Variants in SRSF7 observed in about 807,000 individuals in gnomAD.
SRSF7 encodes serine and arginine rich splicing factor 7, also known as serine/arginine-rich splicing factor 7.
Under a neutral mutation model 42.2 loss-of-function variants are expected in SRSF7, and 15 were observed. The observed-to-expected ratio is 0.36, with a 90% CI of 0.24 to 0.55. The LOEUF is 0.55. Among genes scored for constraint, SRSF7 ranks in the 20% least tolerant of loss-of-function variants. The probability of loss-of-function intolerance (pLI) is 0.88; values close to 1 mark genes in which losing one functional copy is unlikely to be tolerated. For synonymous variants in SRSF7, 138 were observed against 107.9 expected, an observed-to-expected ratio of 1.28 and a Z score of -1.73; for missense variants, 181 against 305.9, an observed-to-expected ratio of 0.59 and a Z score of 3.04.
rs762723762 is a variant in SRSF7, at chr2:38,748,165, A to G, written c.462-8T>C. 8.4e-5 allele frequency: 135 copies of G among 1,605,024 alleles called. No individual in the cohort carries two copies. Among genetic ancestry groups the G allele is most frequent in the South Asian group, 1.7e-4 (15 of 88,510 alleles). On this transcript the variant is annotated splice_polypyrimidine_tract_variant and splice_region_variant and intron_variant, in intron 4 of 7. Coordinates refer to ENST00000313117, the MANE Select transcript of SRSF7 (RefSeq NM_001031684.3). ...GGAGATGCTGACCTTGACCTAAAATAAAGAACTTTAAGTCCATCTCCACAG... is the reference window on the plus strand; with the variant it reads ...GGAGATGCTGACCTTGACCTAAAATGAAGAACTTTAAGTCCATCTCCACAG...
chr2:38,745,141 T>C lies in SRSF7; in HGVS notation c.709A>G (p.Met237Val). Residue 237 changes from methionine (M) to valine (V), a missense_variant, in exon 8 of 8, where the codon ATG becomes GTG. Around this residue, in one of 2 missense-constraint regions of SRSF7, gnomAD observed 136 missense variants for 147.8 expected, o/e 0.92. Coordinates refer to ENST00000313117, the MANE Select transcript of SRSF7 (RefSeq NM_001031684.3). ...SPRRSASPER[M>V]D ...GGGTGAACTTGAGAGCTTCAGTCCA[T>C]TCTTTCAGGACTTGCACTTCTGCGA... 6.2e-7 allele frequency: 1 copy of C among 1,614,200 alleles called. No individual in the cohort carries two copies. The highest frequency in any genetic ancestry group is 8.5e-7 in the Non-Finnish European group (1 of 1,180,014).
intron 3 of SRSF7, 125 bp downstream of exon 3, chr2:38,749,404 A>G: frequency 6.4e-7 from 1 of 1,564,042 alleles, no homozygotes; most frequent in Non-Finnish European, 8.7e-7. Context: ...AATTAAACAA[A>G]AATTGTAAAA....
intron 2 of SRSF7, 82 bp downstream of exon 2, chr2:38,749,932 T>G (rs1427831777): frequency 2.5e-5 from 37 of 1,466,574 alleles, no homozygotes; most frequent in Non-Finnish European, 3.1e-5. Context: ...CTTCCAGACT[T>G]CAGAATCCAA....
Position 38,744,003 on chromosome 2 carries a change from T to C in SRSF7, c.*1130A>G. On this transcript the variant is annotated 3_prime_UTR_variant, in exon 8 of 8. Coordinates refer to ENST00000313117, the MANE Select transcript of SRSF7 (RefSeq NM_001031684.3). ...CCTACTATTCTTAAGATACTTAAAA[T>C]TTGAATAAAGAACCTACTGGCTATG... 6.6e-6 allele frequency: 1 copy of C among 151,938 alleles called. No homozygotes were observed. Among genetic ancestry groups the C allele is most frequent in the African/African-American group, 2.4e-5 (1 of 41,362 alleles). 9.4% of individuals were successfully genotyped at this position (151,938 alleles called of 1,614,324 possible). A position where few individuals can be genotyped will look rare whatever the true frequency, so the allele number is the denominator to read the frequency against.
intron 5 of SRSF7, 48 bp downstream of exon 5, chr2:38,747,999 A>T: frequency 7.4e-7 from 1 of 1,356,560 alleles, no homozygotes; most frequent in Non-Finnish European, 1.0e-6. Flanking sequence ...CTCTACTGAT[A>T]AGATGTGAAC....
chr2:38,751,260 G>T lies in SRSF7; in HGVS notation c.-4C>A. 1.9e-6 allele frequency: 3 copies of T among 1,614,144 alleles called. No homozygotes were observed. ...CGTACCGCCCGTAACGCGACATGAT[G>T]ACAGACCCGCGTGCTCGGCTCTTTA... On this transcript the variant is annotated 5_prime_UTR_variant, in exon 1 of 8. Coordinates refer to ENST00000313117, the MANE Select transcript of SRSF7 (RefSeq NM_001031684.3).
At chr2:38,745,217 A>G in intron 7 of SRSF7, 30 bp from the exon 8 acceptor site, 1 of 1,611,340 alleles carries the variant, frequency 6.2e-7, no homozygotes, top group Non-Finnish European at 8.5e-7. Context: ...GTTTGGATCC[A>G]ATTAGTGTCA....
chr2:38,746,483 TCA>T (rs1667434132), intron 6 of SRSF7, among the ~76,000 whole-genome samples: 1 of 152,164 alleles, frequency 6.6e-6, no homozygotes, highest in Admixed American at 6.5e-5. Context: ...ATCCCCCAAG[TCA>T]TAAGCTTCTT....
chr2:38,749,797 C>G (rs1251574518), intron 2 of SRSF7, 92 bp from the exon 3 acceptor site: 11 of 1,367,294 alleles, frequency 8.0e-6, no homozygotes, highest in Non-Finnish European at 1.1e-5. Flanking sequence ...CTCACTCTTT[C>G]CAACCACTCC....
Position 38,748,739 on chromosome 2 carries a change from A to G in SRSF7, c.387-86T>C. On this transcript the variant is annotated intron_variant, in intron 3 of 7. Coordinates refer to ENST00000313117, the MANE Select transcript of SRSF7 (RefSeq NM_001031684.3). Reference sequence around the variant, plus strand: ...TGTGCCTCTGCTGAAATCAAATCTCAAAACTATTTAAATTTAGTGTCTCAT... The same window carrying G: ...TGTGCCTCTGCTGAAATCAAATCTCGAAACTATTTAAATTTAGTGTCTCAT... 2.8e-6 allele frequency: 4 copies of G among 1,406,422 alleles called. No homozygotes were observed. In the African/African-American group the frequency reaches 5.7e-5, roughly 20 times the overall value. 87.1% of individuals were successfully genotyped at this position (1,406,422 alleles called of 1,614,324 possible).
chr2:38,747,253 G>A (rs982786659), intron 5 of SRSF7: 14 of 315,438 alleles, frequency 4.4e-5, no homozygotes, highest in Admixed American at 1.2e-4. Flanking sequence ...ATGTTTGAGA[G>A]CCATCAATCT....
Position 38,744,681 on chromosome 2 carries a change from G to A in SRSF7, c.*452C>T. ...TCAGGCTGTATCATAAGGGACTCAGGTCATCTTACCCAGAGCTACAAGGGT... is the reference window on the plus strand; with the variant it reads ...TCAGGCTGTATCATAAGGGACTCAGATCATCTTACCCAGAGCTACAAGGGT... On this transcript the variant is annotated 3_prime_UTR_variant, in exon 8 of 8. Coordinates refer to ENST00000313117, the MANE Select transcript of SRSF7 (RefSeq NM_001031684.3). 7 of 162,916 alleles carry A rather than the reference G, an allele frequency of 4.3e-5. No individual in the cohort carries two copies. The highest frequency in any genetic ancestry group is 1.7e-4 in the African/African-American group (7 of 41,506). 10.1% of individuals were successfully genotyped at this position (162,916 alleles called of 1,614,324 possible).
At chr2:38,748,863 A>C in intron 3 of SRSF7, 1 of 1,365,240 alleles carries the variant, frequency 7.3e-7, no homozygotes, top group Non-Finnish European at 9.6e-7. Context: ...AGCATTACAT[A>C]ATATAAAACA....
chr2:38,749,060 AT>A, intron 3 of SRSF7: 1 of 1,305,992 alleles, frequency 7.7e-7, no homozygotes, highest in African/African-American at 1.5e-5. Flanking sequence ...ACGCAAGAAG[AT>A]TTTTCTAGTT....
chr2:38,751,166 C>G (rs556113010), intron 1 of SRSF7, 63 bp downstream of exon 1: 9 of 1,606,420 alleles, frequency 5.6e-6, no homozygotes, highest in Middle Eastern at 3.3e-4. Context: ...CGCGACAACC[C>G]TACGGCCTCG....
At chr2:38,748,263 CT>C (rs1295731244) in intron 4 of SRSF7, 106 bp from the exon 5 acceptor site, 2 of 824,398 alleles carry the variant, frequency 2.4e-6, no homozygotes, top group Non-Finnish European at 3.9e-6. Context: ...AATCCCAGCA[CT>C]GCGGGAGGAT....
rs1033819512 is a variant in SRSF7 at position 38,747,469 on chromosome 2, A to G, written c.572+578T>C. Among the ~76,000 whole-genome samples, 5 of 152,150 alleles carry G rather than the reference A, an allele frequency of 3.3e-5. No individual in the cohort carries two copies. The East Asian group carries it at 7.7e-4, about 23-fold the overall frequency. On this transcript the variant is annotated intron_variant, in intron 5 of 7. Transcript: ENST00000313117. ...AACAATATTGTTAATTACATGTTGC[A>G]ATACTTATTTTACAATTTTTTCCAT... is the stretch of plus-strand genomic sequence containing the variant.
At chr2:38,749,053 CAAG>C in intron 3 of SRSF7, 3 of 1,306,122 alleles carry the variant, frequency 2.3e-6, no homozygotes, top group Non-Finnish European at 3.0e-6. Flanking sequence ...TTGATTGACG[CAAG>C]AAGATTTTTC....
intron 3 of SRSF7, chr2:38,748,860 C>T: frequency 7.3e-7 from 1 of 1,373,286 alleles, no homozygotes; most frequent in South Asian, 1.5e-5. Flanking sequence ...CTTAGCATTA[C>T]ATAATATAAA....
Sources: allele counts gnomAD v4.1 joint callset (sites outside exome capture counted in the v4.1 genomes callset), GRCh38; gene constraint gnomAD v4.1.1; regional missense constraint gnomAD v4.1.1; transcripts MANE v1.5; gene names NCBI Gene and HGNC (gene_info 2026-07-23, HGNC 2026-07-21).